Variants in LMBRD2 observed in about 807,000 individuals in gnomAD.
The protein encoded by LMBRD2 is LMBR1 domain containing 2.
In LMBRD2, 55 loss-of-function variants were observed where a neutral mutation model predicts 94.4. The ratio of observed to expected loss-of-function variants is 0.58; its 90% CI spans 0.47 to 0.73. The LOEUF is 0.73. LMBRD2 is among the 30% of genes least tolerant of loss of function. LMBRD2 has a pLI of 0.00. For missense variants in LMBRD2, 640 were observed against 831.9 expected (o/e 0.77, Z 2.84); for synonymous variants, 246 against 272.4 (o/e 0.90, Z 0.95).
rs187482665 is a variant in LMBRD2 at position 36,123,295 on chromosome 5, A to G, written c.823-334T>C. On this transcript the variant is annotated intron_variant, in intron 7 of 17. Transcript: ENST00000296603. ...TAGGATAAATTATTTTTCTAGCTAA[A>G]GAATGAAGCAAAATCATGACAAATC... Among the ~76,000 whole-genome samples, 517 of 152,274 alleles carry G rather than the reference A, an allele frequency of 3.4e-3. 7 individuals carry two copies. The highest frequency in any genetic ancestry group is 2.0e-3 in the Non-Finnish European group (136 of 67,976).
chr5:36,114,574 T>G, intron 12 of LMBRD2, 53 bp from the exon 13 acceptor site: 1 of 1,455,710 alleles, frequency 6.9e-7, no homozygotes, highest in Non-Finnish European at 9.0e-7. Context: ...TAATTTCCAT[T>G]CCTTTCCATC....
At chr5:36,142,627 A>G (rs759013312) in intron 2 of LMBRD2, 28 bp from the exon 3 acceptor site, 81 of 1,336,104 alleles carry the variant, frequency 6.1e-5, no homozygotes, top group Non-Finnish European at 7.1e-5. Flanking sequence ...TGGTTTAAAA[A>G]TGAGAATCAA....
intron 4 of LMBRD2, among the ~76,000 whole-genome samples, chr5:36,138,104 T>C (rs930740483): frequency 1.3e-5 from 2 of 151,866 alleles, no homozygotes; most frequent in African/African-American, 4.8e-5. Context: ...AGAACAATAG[T>C]GGGGCAAGGA....
Position 36,103,695 on chromosome 5 carries a change from A to G in LMBRD2, c.*351T>C, listed in dbSNP as rs1743397449. On this transcript the variant is annotated 3_prime_UTR_variant, in exon 18 of 18. Coordinates refer to ENST00000296603, the MANE Select transcript of LMBRD2 (RefSeq NM_001007527.2). ...TATATAATATTATTTAGTATGACTT[A>G]TGGCTTCCTTGAATCTTTAAAATAA... is the stretch of plus-strand genomic sequence containing the variant. The G allele has an allele frequency of 6.1e-6, 1 of 162,902 alleles. No individual in the cohort carries two copies. Among genetic ancestry groups the G allele is most frequent in the Non-Finnish European group, 1.3e-5 (1 of 74,428 alleles). 10.1% of individuals were successfully genotyped at this position (162,902 alleles called of 1,614,324 possible).
chr5:36,144,309 G>C (rs1264546634), intron 1 of LMBRD2, among the ~76,000 whole-genome samples: 3 of 152,110 alleles, frequency 2.0e-5, no homozygotes, highest in African/African-American at 7.2e-5. Context: ...ATCAATGTTA[G>C]ACTTTTGTTT....
rs180957810 is a variant in LMBRD2 at position 36,115,007 on chromosome 5, G to A, written c.1542+8C>T. On this transcript the variant is annotated splice_region_variant and intron_variant, in intron 12 of 17. Coordinates refer to ENST00000296603, the MANE Select transcript of LMBRD2 (RefSeq NM_001007527.2). Reference sequence around the variant, plus strand: ...ACCTAAGGAATTCTATTTTCTGACCGTACTTACAGATGTATAAGCAGTTGG... The same window carrying A: ...ACCTAAGGAATTCTATTTTCTGACCATACTTACAGATGTATAAGCAGTTGG... 527 of 1,515,898 alleles carry A rather than the reference G, an allele frequency of 3.5e-4. No individual in the cohort carries two copies. The African/African-American group carries it at 4.9e-3, about 14-fold the overall frequency. The allele number at this position is 1,515,898 out of a possible 1,614,324, so 93.9% of individuals were successfully genotyped here.
chr5:36,128,071 T>A (rs1404638106), intron 6 of LMBRD2, among the ~76,000 whole-genome samples: 1 of 152,106 alleles, frequency 6.6e-6, no homozygotes, highest in African/African-American at 2.4e-5. Flanking sequence ...AAGACTCCAG[T>A]TGTCCGGGAG....
intron 4 of LMBRD2, among the ~76,000 whole-genome samples, chr5:36,139,819 G>C (rs559287765): frequency 6.6e-6 from 1 of 152,166 alleles, no homozygotes; most frequent in East Asian, 1.9e-4. Context: ...ATCCACTTTG[G>C]GTCTCCTGAG....
intron 1 of LMBRD2, chr5:36,147,747 T>C (rs1451303673): frequency 7.6e-6 from 2 of 261,810 alleles, no homozygotes; most frequent in Admixed American, 1.1e-4. Flanking sequence ...TTGATGGAAC[T>C]TCAGAGGTTA....
intron 6 of LMBRD2, among the ~76,000 whole-genome samples, chr5:36,131,126 A>C (rs1744141420): frequency 1.3e-5 from 2 of 152,194 alleles, no homozygotes; most frequent in South Asian, 4.1e-4. Flanking sequence ...CACGTTGAAA[A>C]GGTCATCCAT....
intron 3 of LMBRD2, 122 bp from the exon 4 acceptor site, chr5:36,141,324 A>G (rs749369137): frequency 2.0e-6 from 1 of 510,010 alleles, no homozygotes; most frequent in Non-Finnish European, 3.5e-6. Flanking sequence ...TCTAATAATC[A>G]ATAACCCATA....
At position 36,136,420 on chromosome 5, in the gene LMBRD2, T is replaced by C. The variant is rs776282385; in HGVS notation, c.636A>G (p.Ser212=). 6.2e-7 allele frequency: 1 copy of C among 1,613,928 alleles called. No individual in the cohort carries two copies. The highest frequency in any genetic ancestry group is 1.3e-5 in the African/African-American group (1 of 74,924). ...AACCCCTTTTTGCTCCATTCCAGTA[T>C]GATCGAGGAATTTCCACCAAGCCAT... The part of the protein sequence containing the change: ...LGYGLVEIPR[S]YWNGAKRGYL... The change falls in exon 6 of 18, where the codon TCA becomes TCG. Residue 212 remains serine (S), a synonymous_variant. Transcript: ENST00000296603.
At chr5:36,137,041 A>G (rs946287068) in intron 5 of LMBRD2, among the ~76,000 whole-genome samples, 1 of 152,282 alleles carries the variant, frequency 6.6e-6, no homozygotes, top group South Asian at 2.1e-4. Flanking sequence ...CTTTTAATAT[A>G]TAGCCATTAG....
chr5:36,116,218 C>T (rs1049321488), intron 11 of LMBRD2, among the ~76,000 whole-genome samples: 1 of 152,064 alleles, frequency 6.6e-6, no homozygotes, highest in African/African-American at 2.4e-5. Flanking sequence ...TTGGTAAATC[C>T]GGGCTCACTA....
rs929465199 is a variant in LMBRD2 at position 36,104,210 on chromosome 5, A to G, written c.2028-104T>C. On this transcript the variant is annotated intron_variant, in intron 17 of 17. Coordinates refer to ENST00000296603, the MANE Select transcript of LMBRD2 (RefSeq NM_001007527.2). ...GGGAGTGGCCATATAATTTGTAAGT[A>G]CTGTAAAATCTAGTCAGTAGCTGAA... is the stretch of plus-strand genomic sequence containing the variant. 4.6e-6 allele frequency: 4 copies of G among 875,466 alleles called. No homozygotes were observed. In the East Asian group the frequency reaches 1.1e-4, roughly 24 times the overall value. The allele number at this position is 875,466 out of a possible 1,614,324, so 54.2% of individuals were successfully genotyped here. A position where few individuals can be genotyped will look rare whatever the true frequency, so the allele number is the denominator to read the frequency against.
intron 6 of LMBRD2, among the ~76,000 whole-genome samples, chr5:36,128,914 TAATC>T (rs1173899891): frequency 3.3e-5 from 5 of 152,092 alleles, no homozygotes; most frequent in African/African-American, 1.2e-4. Context: ...GAATTAAAAA[TAATC>T]AAGTAGAAAT....
chr5:36,118,891 C>T (rs1449896343), intron 9 of LMBRD2, among the ~76,000 whole-genome samples: 1 of 151,996 alleles, frequency 6.6e-6, no homozygotes, highest in Non-Finnish European at 1.5e-5. Context: ...GACAGGGTTT[C>T]ACCGTGTTAG....
intron 4 of LMBRD2, among the ~76,000 whole-genome samples, chr5:36,138,065 G>T (rs1385622785): frequency 6.6e-6 from 1 of 152,204 alleles, no homozygotes; most frequent in Non-Finnish European, 1.5e-5. Flanking sequence ...AGAACAGAAG[G>T]AGGGTAGACC....
In LMBRD2 at chr5:36,136,378, C is replaced by T. The variant is rs144023598; in HGVS notation, c.678G>A (p.Thr226=). The part of the protein sequence containing the change: ...GAKRGYLLMK[T]YFKAAKLMTE... ...TCATCAGTTTGGCTGCCTTAAAATA[C>T]GTTTTCATAAGTAGATAACCCCTTT... Residue 226 remains threonine (T), a synonymous_variant, in exon 6 of 18, where the codon ACG becomes ACA. Coordinates refer to ENST00000296603, the MANE Select transcript of LMBRD2 (RefSeq NM_001007527.2). The T allele has an allele frequency of 2.0e-4, 329 of 1,614,068 alleles. No individual in the cohort carries two copies. In the African/African-American group the frequency reaches 3.9e-3, roughly 19 times the overall value.
Sources: gnomAD v4.1 joint callset for allele counts (sites outside exome capture counted in the v4.1 genomes callset) on GRCh38, gnomAD v4.1.1 for gene constraint, MANE v1.5 for transcripts, NCBI Gene and HGNC (gene_info 2026-07-23, HGNC 2026-07-21) for gene names.